HEMK2: variants seen among roughly 807,000 people sequenced by gnomAD.
The protein encoded by HEMK2 is HemK methyltransferase 2, ETF1 glutamine and histone H4 lysine.
At chr21:28,592,082 G>A in the HEMK2 span, among the ~76,000 whole-genome samples, 2 of 152,136 alleles carry the variant, frequency 1.3e-5, no homozygotes, top group Non-Finnish European at 2.9e-5. Context: ...AGGATCGCTG[G>A]GTTGAACGGT....
the HEMK2 span, among the ~76,000 whole-genome samples, chr21:28,576,804 G>A: frequency 1.3e-5 from 2 of 152,038 alleles, no homozygotes; most frequent in East Asian, 3.9e-4. Context: ...TCCACCTCCC[G>A]GGTTCAAGCA....
At chr21:28,658,760 C>A in the HEMK2 span, among the ~76,000 whole-genome samples, 1 of 152,070 alleles carries the variant, frequency 6.6e-6, no homozygotes, top group African/African-American at 2.4e-5. Context: ...AACCTCTTGT[C>A]CTTTTCATGT....
chr21:28,805,129 T>G, the HEMK2 span, among the ~76,000 whole-genome samples: 1 of 152,194 alleles, frequency 6.6e-6, no homozygotes, highest in Non-Finnish European at 1.5e-5. Context: ...AAACAATTTA[T>G]CAGGGCACCC....
At chr21:28,814,019 C>T in the HEMK2 span, among the ~76,000 whole-genome samples, 12 of 152,082 alleles carry the variant, frequency 7.9e-5, no homozygotes, top group Non-Finnish European at 1.5e-4. Flanking sequence ...GAGCGGATCA[C>T]GAGGTCAGGA....
At chr21:28,636,753 T>C in the HEMK2 span, among the ~76,000 whole-genome samples, 1 of 152,204 alleles carries the variant, frequency 6.6e-6, no homozygotes, top group African/African-American at 2.4e-5. Flanking sequence ...ATTCCCATTT[T>C]ATGTAATTAT....
the HEMK2 span, among the ~76,000 whole-genome samples, chr21:28,763,507 A>T: frequency 6.6e-6 from 1 of 152,080 alleles, no homozygotes; most frequent in Admixed American, 6.6e-5. Context: ...CGATCCAGCG[A>T]CTTCCCACCA....
chr21:28,833,009 AT>A, the HEMK2 span, among the ~76,000 whole-genome samples: 1 of 152,192 alleles, frequency 6.6e-6, no homozygotes, highest in South Asian at 2.1e-4. Flanking sequence ...GTAGGTCGGC[AT>A]TTTTTATTTT....
the HEMK2 span, among the ~76,000 whole-genome samples, chr21:28,758,222 G>C: frequency 6.6e-6 from 1 of 152,006 alleles, no homozygotes; most frequent in African/African-American, 2.4e-5. Flanking sequence ...TGACACCTTA[G>C]TATTCTAGTG....
the HEMK2 span, among the ~76,000 whole-genome samples, chr21:28,731,425 C>T: frequency 6.6e-6 from 1 of 152,132 alleles, no homozygotes. Context: ...GACATTTATA[C>T]TTGCCCATGA....
chr21:28,605,059 G>A, the HEMK2 span, among the ~76,000 whole-genome samples: 3 of 152,184 alleles, frequency 2.0e-5, no homozygotes, highest in Admixed American at 6.5e-5. Context: ...TGATCCACAT[G>A]TGGATGCACT....
At chr21:28,649,680 C>T in the HEMK2 span, among the ~76,000 whole-genome samples, 5 of 151,968 alleles carry the variant, frequency 3.3e-5, no homozygotes, top group African/African-American at 9.7e-5. Flanking sequence ...TTTTCAAAGG[C>T]GGTAACATTT....
the HEMK2 span, among the ~76,000 whole-genome samples, chr21:28,770,671 GCT>G: frequency 1.4e-4 from 21 of 149,238 alleles, no homozygotes; most frequent in South Asian, 2.1e-4. Flanking sequence ...AGCAAGTTCA[GCT>G]CTCTCTCTCT....
the HEMK2 span, among the ~76,000 whole-genome samples, chr21:28,691,356 T>C: frequency 1.3e-5 from 2 of 152,238 alleles, no homozygotes; most frequent in East Asian, 3.8e-4. Context: ...TAAATATCTT[T>C]ATGAATTTAA....
the HEMK2 span, among the ~76,000 whole-genome samples, chr21:28,881,288 C>T: frequency 8.2e-4 from 125 of 152,272 alleles, no homozygotes; most frequent in African/African-American, 2.8e-3. Flanking sequence ...TAGGGTTTAT[C>T]CCAATCCAGC....
At chr21:28,738,476 C>T in the HEMK2 span, among the ~76,000 whole-genome samples, 3 of 152,176 alleles carry the variant, frequency 2.0e-5, no homozygotes, top group Admixed American at 2.0e-4. Flanking sequence ...CTGATGTGGA[C>T]ACAGAGAACG....
the HEMK2 span, among the ~76,000 whole-genome samples, chr21:28,819,691 C>A: frequency 6.6e-6 from 1 of 151,760 alleles, no homozygotes; most frequent in South Asian, 2.1e-4. Context: ...GGACTACAGG[C>A]GCGGGTGCCA....
the HEMK2 span, among the ~76,000 whole-genome samples, chr21:28,765,763 G>T: frequency 2.6e-5 from 4 of 152,140 alleles, no homozygotes; most frequent in South Asian, 8.3e-4. Flanking sequence ...GAAATATTTG[G>T]TGCTGTGAGC....
chr21:28,861,634 T>C, the HEMK2 span, among the ~76,000 whole-genome samples: 1 of 152,212 alleles, frequency 6.6e-6, no homozygotes, highest in Admixed American at 6.5e-5. Context: ...ATGTTCCCCA[T>C]CATCCTGAAG....
At chr21:28,771,520 C>CCCT in the HEMK2 span, among the ~76,000 whole-genome samples, 21 of 120,504 alleles carry the variant, frequency 1.7e-4, 1 homozygote, top group African/African-American at 6.3e-4. Context: ...GATGCACCAC[C>CCCT]CCCCCCCGCC....
Sources: allele counts gnomAD v4.1 joint callset (sites outside exome capture counted in the v4.1 genomes callset), GRCh38; gene constraint gnomAD v4.1.1; transcripts MANE v1.5; gene names NCBI Gene and HGNC (gene_info 2026-07-23, HGNC 2026-07-21).